The following STXBP4 variants were observed in gnomAD, a reference collection of about 807,000 sequenced individuals.
STXBP4 encodes the protein syntaxin binding protein 4.
STXBP4 carries 55 observed loss-of-function variants against 76.1 expected under a neutral mutation model. The observed-to-expected ratio is 0.72, with a 90% confidence interval of 0.58 to 0.91. STXBP4 has a LOEUF of 0.91. Ranked by LOEUF, STXBP4 falls within the 40% of genes least tolerant of loss-of-function variation. The probability of loss-of-function intolerance (pLI) is 0.00; values close to 1 mark genes in which losing one functional copy is unlikely to be tolerated. For missense variants in STXBP4, 618 were observed against 636.9 expected (o/e 0.97, Z 0.32); for synonymous variants, 201 against 220.2 (o/e 0.91, Z 0.77).
intron 10 of STXBP4, among the ~76,000 whole-genome samples, chr17:55,036,326 T>G (rs2078601591): frequency 6.6e-6 from 1 of 151,770 alleles, no homozygotes; most frequent in East Asian, 1.9e-4. Context: ...ATGTTATGGC[T>G]TCTCATGTAT....
rs563680011 is a variant in STXBP4 at position 55,162,404 on chromosome 17, T to C, written c.*2493T>C. The C allele has an allele frequency of 1.3e-5, 2 of 152,314 alleles. No individual in the cohort carries two copies. The highest frequency in any genetic ancestry group is 4.1e-4 in the South Asian group (2 of 4,822). The allele number at this position is 152,314 out of a possible 1,614,324, so 9.4% of individuals were successfully genotyped here. On this transcript the variant is annotated 3_prime_UTR_variant, in exon 18 of 18. Coordinates refer to ENST00000376352, the MANE Select transcript of STXBP4 (RefSeq NM_178509.6). ...GGGTTAGAAAATCTGAATGTTCTTA[T>C]GTCCTTCCGTCTCACTTTACTAGAG... is the stretch of plus-strand genomic sequence containing the variant.
chr17:55,072,838 G>T (rs2079137684), intron 12 of STXBP4, 62 bp from the exon 13 acceptor site: 1 of 1,412,880 alleles, frequency 7.1e-7, no homozygotes, highest in Admixed American at 2.3e-5. Context: ...AAAATATTTT[G>T]TATAAACCTC....
intron 1 of STXBP4, among the ~76,000 whole-genome samples, chr17:54,978,508 A>G (rs2144309567): frequency 6.6e-6 from 1 of 152,330 alleles, no homozygotes; most frequent in South Asian, 2.1e-4. Flanking sequence ...TCTTTGTGAA[A>G]CACCAGATCT....
intron 15 of STXBP4, among the ~76,000 whole-genome samples, chr17:55,079,649 T>C (rs949883305): frequency 4.0e-5 from 6 of 151,204 alleles, no homozygotes; most frequent in Non-Finnish European, 7.4e-5. Context: ...ATTCCTATAT[T>C]CCCAGCTACT....
chr17:55,147,779 C>T (rs912795169), intron 17 of STXBP4, among the ~76,000 whole-genome samples: 1 of 152,096 alleles, frequency 6.6e-6, no homozygotes, highest in Non-Finnish European at 1.5e-5. Flanking sequence ...TAACTCATGC[C>T]ATCTCTGTCT....
chr17:55,115,263 G>A lies in STXBP4; in HGVS notation c.1490-26047G>A, dbSNP rs540405543. Among the ~76,000 whole-genome samples, 7 of 151,838 alleles carry A rather than the reference G, an allele frequency of 4.6e-5. No homozygotes were observed. In the East Asian group the frequency reaches 1.4e-3, roughly 29 times the overall value. ...CAAAGACTTCCTTAGGAAGCACGTT[G>A]ACTTTAAAAAATATAAGTGCAACAC... is the stretch of plus-strand genomic sequence containing the variant. On this transcript the variant is annotated intron_variant, in intron 16 of 17. Transcript: ENST00000376352.
intron 8 of STXBP4, among the ~76,000 whole-genome samples, chr17:55,011,227 G>T (rs545804716): frequency 1.2e-3 from 176 of 151,494 alleles, no homozygotes; most frequent in African/African-American, 3.8e-3. Flanking sequence ...CACTTTATTT[G>T]CATTATTTTT....
At chr17:55,084,994 T>C (rs1363796407) in intron 16 of STXBP4, among the ~76,000 whole-genome samples, 1 of 152,104 alleles carries the variant, frequency 6.6e-6, no homozygotes, top group Admixed American at 6.6e-5. Flanking sequence ...ATTAAGAAAA[T>C]GTGGCACATA....
At chr17:55,143,879 G>A (rs907946255) in intron 17 of STXBP4, among the ~76,000 whole-genome samples, 5 of 152,092 alleles carry the variant, frequency 3.3e-5, no homozygotes, top group Non-Finnish European at 7.4e-5. Context: ...GGCCATAGTA[G>A]ATCTTATTGT....
intron 17 of STXBP4, among the ~76,000 whole-genome samples, chr17:55,159,467 A>G (rs1422365766): frequency 1.3e-5 from 2 of 152,194 alleles, no homozygotes; most frequent in African/African-American, 4.8e-5. Flanking sequence ...ATTTCATTGA[A>G]AAAGGAGAGC....
chr17:55,195,497 A>G, the STXBP4 span, among the ~76,000 whole-genome samples: 3 of 152,152 alleles, frequency 2.0e-5, no homozygotes, highest in South Asian at 6.2e-4. Context: ...CCTAGACTAG[A>G]GTGCAGTGGT....
chr17:55,159,424 G>T (rs1225904954), intron 17 of STXBP4, among the ~76,000 whole-genome samples: 1 of 152,196 alleles, frequency 6.6e-6, no homozygotes, highest in African/African-American at 2.4e-5. Flanking sequence ...TAGAGCAGAG[G>T]CAGGGAGGCA....
At chr17:55,071,344 T>A (rs1311427835) in intron 12 of STXBP4, among the ~76,000 whole-genome samples, 1 of 152,150 alleles carries the variant, frequency 6.6e-6, no homozygotes, top group East Asian at 1.9e-4. Flanking sequence ...TCTGCCCTCA[T>A]GTCTTACTAC....
the STXBP4 span, among the ~76,000 whole-genome samples, chr17:55,195,457 A>G: frequency 6.6e-6 from 1 of 151,774 alleles, no homozygotes; most frequent in Non-Finnish European, 1.5e-5. Flanking sequence ...TAAATTTTTT[A>G]TTTATTTTGA....
chr17:55,205,250 A>G, the STXBP4 span, among the ~76,000 whole-genome samples: 2 of 152,006 alleles, frequency 1.3e-5, no homozygotes, highest in East Asian at 3.8e-4. Flanking sequence ...AGAGAAAGGT[A>G]TCAAGAGATG....
At chr17:55,018,108 G>A (rs2078240449) in intron 8 of STXBP4, among the ~76,000 whole-genome samples, 1 of 152,080 alleles carries the variant, frequency 6.6e-6, no homozygotes, top group Admixed American at 6.5e-5. Context: ...TGGATTCCAA[G>A]GAATGGAATC....
rs568627184 is a variant in STXBP4, at chr17:55,161,347, G to T, written c.*1436G>T. ...CTTGTGTTTTGCCTGACAGCCATTT[G>T]AATGTTAGGAAGCTTCGGGGAGACA... is the stretch of plus-strand genomic sequence containing the variant. On this transcript the variant is annotated 3_prime_UTR_variant, in exon 18 of 18. Coordinates refer to ENST00000376352, the MANE Select transcript of STXBP4 (RefSeq NM_178509.6). The T allele has an allele frequency of 1.3e-5, 2 of 152,192 alleles. No individual in the cohort carries two copies. The highest frequency in any genetic ancestry group is 2.9e-5 in the Non-Finnish European group (2 of 68,036). The allele number at this position is 152,192 out of a possible 1,614,324, so 9.4% of individuals were successfully genotyped here. A position where few individuals can be genotyped will look rare whatever the true frequency, so the allele number is the denominator to read the frequency against.
At chr17:55,118,417 G>C (rs565980348) in intron 16 of STXBP4, among the ~76,000 whole-genome samples, 29 of 152,052 alleles carry the variant, frequency 1.9e-4, no homozygotes, top group African/African-American at 6.7e-4. Flanking sequence ...TTATTATAAC[G>C]AGGAGGATTG....
At chr17:55,149,909 T>C (rs2080195422) in intron 17 of STXBP4, among the ~76,000 whole-genome samples, 1 of 152,148 alleles carries the variant, frequency 6.6e-6, no homozygotes, top group Non-Finnish European at 1.5e-5. Context: ...GACCTAAATA[T>C]TCAGCATCAA....
Sources: gnomAD v4.1 joint callset for allele counts (sites outside exome capture counted in the v4.1 genomes callset) on GRCh38, gnomAD v4.1.1 for gene constraint, MANE v1.5 for transcripts, NCBI Gene and HGNC (gene_info 2026-07-23, HGNC 2026-07-21) for gene names.